RAD51C: variants seen among roughly 807,000 people sequenced by gnomAD.
RAD51C encodes RAD51 paralog C, also known as DNA repair protein RAD51 homolog 3.
RAD51C carries 42 observed loss-of-function variants against 45.0 expected under a neutral mutation model. The observed-to-expected ratio is 0.93, with a 90% CI of 0.73 to 1.21. The LOEUF is 1.21. Among genes scored for constraint, RAD51C ranks in the 50% most tolerant of loss-of-function variants. RAD51C has a pLI of 0.00. For missense variants in RAD51C, 474 were observed against 452.2 expected (o/e 1.05, Z -0.44); for synonymous variants, 172 against 159.8 (o/e 1.08, Z -0.58).
At chr17:58,723,243 G>T (rs1362899747) in intron 6 of RAD51C, among the ~76,000 whole-genome samples, 1 of 151,480 alleles carries the variant, frequency 6.6e-6, no homozygotes, top group Non-Finnish European at 1.5e-5. Flanking sequence ...TCATTTCCTT[G>T]CACTGTGTCT....
intron 3 of RAD51C, among the ~76,000 whole-genome samples, chr17:58,697,892 A>G (rs1598462953): frequency 6.7e-6 from 1 of 149,628 alleles, no homozygotes; most frequent in African/African-American, 2.5e-5. Flanking sequence ...TTGTATTTTT[A>G]GTACAGACAG....
At chr17:58,713,461 C>T (rs950165742) in intron 5 of RAD51C, among the ~76,000 whole-genome samples, 4 of 152,050 alleles carry the variant, frequency 2.6e-5, no homozygotes, top group Non-Finnish European at 4.4e-5. Context: ...TCACCTCAGC[C>T]TCTTGAGTAA....
intron 4 of RAD51C, among the ~76,000 whole-genome samples, chr17:58,709,092 C>CTTTTTTTTTTTTTTTTTT (rs34570887): frequency 8.5e-6 from 1 of 117,054 alleles, no homozygotes; most frequent in Non-Finnish European, 1.7e-5. Context: ...TTTTGAATTA[C>CTTTTTTTTTTTTTTTTTT]TTTTTTTTTT....
chr17:58,728,729 A>G (rs1357235657), intron 7 of RAD51C, among the ~76,000 whole-genome samples: 2 of 152,140 alleles, frequency 1.3e-5, no homozygotes, highest in Non-Finnish European at 2.9e-5. Context: ...GCCAAATTAT[A>G]TTGGGCATTG....
intron 7 of RAD51C, among the ~76,000 whole-genome samples, chr17:58,729,692 C>T (rs1411912668): frequency 7.2e-5 from 11 of 152,060 alleles, no homozygotes; most frequent in Non-Finnish European, 1.3e-4. Flanking sequence ...TTGCCTCAGC[C>T]TCCCAAGTAG....
chr17:58,729,145 A>C (rs761830844), intron 7 of RAD51C, among the ~76,000 whole-genome samples: 12 of 152,248 alleles, frequency 7.9e-5, no homozygotes, highest in Non-Finnish European at 1.8e-4. Flanking sequence ...TTTCATTTTA[A>C]AAGATCTCTG....
chr17:58,693,056 C>A, intron 1 of RAD51C: 1 of 485,986 alleles, frequency 2.1e-6, no homozygotes, highest in Non-Finnish European at 3.8e-6. Flanking sequence ...AACCCTCAAC[C>A]CGCTTACGTA....
At chr17:58,726,755 C>A (rs1340382785) in intron 7 of RAD51C, among the ~76,000 whole-genome samples, 1 of 152,010 alleles carries the variant, frequency 6.6e-6, no homozygotes, top group Non-Finnish European at 1.5e-5. Flanking sequence ...TGAGATCAGG[C>A]ACATTCAGGG....
At chr17:58,733,102 G>A (rs980121698) in intron 8 of RAD51C, among the ~76,000 whole-genome samples, 2 of 151,954 alleles carry the variant, frequency 1.3e-5, no homozygotes, top group Non-Finnish European at 2.9e-5. Context: ...TGCAGCCTCC[G>A]CCCTACTGGT....
chr17:58,703,391 GA>G, intron 4 of RAD51C, 62 bp downstream of exon 4: 2 of 1,544,284 alleles, frequency 1.3e-6, no homozygotes, highest in Non-Finnish European at 8.9e-7. Context: ...TGATAAGCAT[GA>G]AAAAATAACC....
intron 7 of RAD51C, among the ~76,000 whole-genome samples, chr17:58,729,553 G>A (rs750082794): frequency 7.3e-5 from 11 of 151,418 alleles, no homozygotes; most frequent in Non-Finnish European, 1.6e-4. Context: ...ATGCCCCTTT[G>A]ACTTTAGGAT....
intron 6 of RAD51C, among the ~76,000 whole-genome samples, chr17:58,723,240 C>T (rs1428713472): frequency 6.6e-6 from 1 of 152,070 alleles, no homozygotes; most frequent in African/African-American, 2.4e-5. Flanking sequence ...TTTTCATTTC[C>T]TTGCACTGTG....
Position 58,705,584 on chromosome 17 carries a change from G to A in RAD51C, c.705+2255G>A, listed in dbSNP as rs2611787. On this transcript the variant is annotated intron_variant, in intron 4 of 8. Transcript: ENST00000337432. ...CCTGATCTTGTGATCCGCCCACCTCGGCCTCCCAAAGTGCTGGGATTACAG... is the reference window on the plus strand; with the variant it reads ...CCTGATCTTGTGATCCGCCCACCTCAGCCTCCCAAAGTGCTGGGATTACAG... Among the ~76,000 whole-genome samples, 516 of 152,016 alleles carry A rather than the reference G, an allele frequency of 3.4e-3. 3 individuals carry two copies. The highest frequency in any genetic ancestry group is 5.6e-3 in the Non-Finnish European group (379 of 67,982).
At chr17:58,732,183 G>A (rs2049453994) in intron 7 of RAD51C, 1 of 291,858 alleles carries the variant, frequency 3.4e-6, no homozygotes, top group Non-Finnish European at 6.5e-6. Flanking sequence ...CTATCTCATT[G>A]AATATTTTCT....
intron 3 of RAD51C, among the ~76,000 whole-genome samples, chr17:58,699,299 C>T (rs532475280): frequency 6.6e-6 from 1 of 152,264 alleles, no homozygotes; most frequent in African/African-American, 2.4e-5. Context: ...AGCTACAGCG[C>T]CCGGCCTATT....
intron 5 of RAD51C, among the ~76,000 whole-genome samples, chr17:58,715,966 G>A (rs552464036): frequency 2.2e-4 from 34 of 152,062 alleles, no homozygotes; most frequent in African/African-American, 7.0e-4. Context: ...TTAGCCAAGC[G>A]TGGTGGGGGA....
Position 58,721,777 on chromosome 17 carries a change from A to G in RAD51C, c.904+965A>G, listed in dbSNP as rs141987454. Among the ~76,000 whole-genome samples, 94 of 152,070 alleles carry G rather than the reference A, an allele frequency of 6.2e-4. 3 individuals are homozygous for G. The highest frequency in any genetic ancestry group is 1.5e-5 in the Non-Finnish European group (1 of 67,978). On this transcript the variant is annotated intron_variant, in intron 6 of 8. Transcript: ENST00000337432. ...TCTGTCTCAAAAAAAAAAAAAATGT[A>G]TCTGCCCTTGACTAGTTTTCAACTA...
intron 7 of RAD51C, among the ~76,000 whole-genome samples, chr17:58,724,417 T>C (rs17822908): frequency 0.19 from 28,076 of 151,390 alleles, 2,775 homozygotes; most frequent in Non-Finnish European, 0.21. Context: ...AGGTGAGTAC[T>C]CTGTGTTCCT....
intron 3 of RAD51C, among the ~76,000 whole-genome samples, chr17:58,702,302 A>G (rs1049800666): frequency 6.6e-6 from 1 of 152,222 alleles, no homozygotes; most frequent in African/African-American, 2.4e-5. Flanking sequence ...GTGACTAGAA[A>G]TATGAAAAGG....
Sources: gnomAD v4.1 joint callset for allele counts (sites outside exome capture counted in the v4.1 genomes callset) on GRCh38, gnomAD v4.1.1 for gene constraint, MANE v1.5 for transcripts, NCBI Gene and HGNC (gene_info 2026-07-23, HGNC 2026-07-21) for gene names.